RELT: variants seen among roughly 807,000 people sequenced by gnomAD.
The protein encoded by RELT is RELT TNF receptor.
Under a neutral mutation model 51.1 loss-of-function variants are expected in RELT, and 37 were observed. That is an observed-to-expected ratio of 0.72 (90% confidence interval 0.56 to 0.95). The LOEUF (loss-of-function observed/expected upper bound fraction) is 0.95, where lower values mean the gene tolerates loss of function less well. Among genes scored for constraint, RELT ranks in the 40% least tolerant of loss-of-function variants. The pLI is 0.00. For missense variants in RELT, 535 were observed against 572.6 expected (o/e 0.93, Z 0.67); for synonymous variants, 241 against 235.7 (o/e 1.02, Z -0.21).
intron 1 of RELT, among the ~76,000 whole-genome samples, chr11:73,380,632 G>A (rs1260350110): frequency 2.0e-5 from 3 of 152,182 alleles, no homozygotes; most frequent in Non-Finnish European, 4.4e-5. Context: ...GGTGAGGGTC[G>A]AGGGGTTTGT....
chr11:73,382,122 A>G (rs143258333), intron 1 of RELT, among the ~76,000 whole-genome samples: 1 of 152,216 alleles, frequency 6.6e-6, no homozygotes. Flanking sequence ...GGGTTGCTCC[A>G]GGGCCCAACC....
At position 73,388,114 on chromosome 11, in the gene RELT, C is replaced by T. The variant is rs1213822552; in HGVS notation, c.-25-998C>T. Among the ~76,000 whole-genome samples, 1 of 152,244 alleles carries T rather than the reference C, an allele frequency of 6.6e-6. No homozygotes were observed. Among genetic ancestry groups the T allele is most frequent in the Non-Finnish European group, 1.5e-5 (1 of 68,044 alleles). On this transcript the variant is annotated intron_variant, in intron 1 of 10. Coordinates refer to ENST00000064780, the MANE Select transcript of RELT (RefSeq NM_152222.2). This position sits in a 1 kb window ranked among gnomAD's most constrained non-coding sequence, Gnocchi z 4.1. The stretch of plus-strand genomic sequence containing the variant: ...CAGGCCACCGTCTGGGCCTGGGGGC[C>T]TCAGTCTCAGACCGGTGGGCCGTGA...
intron 1 of RELT, among the ~76,000 whole-genome samples, chr11:73,385,890 G>GGCAT (rs1489827418): frequency 6.6e-6 from 1 of 152,166 alleles, no homozygotes; most frequent in Non-Finnish European, 1.5e-5. Flanking sequence ...AATTTAGCCA[G>GGCAT]GCATGGTGGG....
At chr11:73,377,025 C>T (rs543377206) in intron 1 of RELT, among the ~76,000 whole-genome samples, 1 of 152,314 alleles carries the variant, frequency 6.6e-6, no homozygotes, top group South Asian at 2.1e-4. Context: ...GGCGGTGACG[C>T]CGGGCCGAGC....
intron 1 of RELT, among the ~76,000 whole-genome samples, chr11:73,386,167 C>T (rs1252875435): frequency 2.0e-5 from 3 of 152,196 alleles, no homozygotes; most frequent in Non-Finnish European, 4.4e-5. Context: ...GAGACTGGGC[C>T]CCAGGCTAGG....
At chr11:73,392,641 G>A (rs950109492) in intron 6 of RELT, 173 bp downstream of exon 6, 3 of 1,413,352 alleles carry the variant, frequency 2.1e-6, no homozygotes, top group East Asian at 5.0e-5. Flanking sequence ...GGACGAAGGT[G>A]TGGCCGTGGG....
chr11:73,394,462 C>G lies in RELT; in HGVS notation c.789-15C>G, dbSNP rs756973727. 1.2e-6 allele frequency: 2 copies of G among 1,609,694 alleles called. No homozygotes were observed. Among genetic ancestry groups the G allele is most frequent in the Non-Finnish European group, 1.7e-6 (2 of 1,177,598 alleles). ...TGGCCTGGCCTATGGCCACTTCTGC[C>G]TGTGCCCCCTGCAGGCTGCCGCCAG... On this transcript the variant is annotated splice_polypyrimidine_tract_variant and intron_variant, in intron 8 of 10. Transcript: ENST00000064780. This position sits in a 1 kb window ranked among gnomAD's most constrained non-coding sequence, Gnocchi z 4.9.
At position 73,394,521 on chromosome 11, in the gene RELT, G is replaced by A. The variant is rs368440610; in HGVS notation, c.833G>A (p.Arg278His). Residue 278 changes from arginine (R) to histidine (H), a missense_variant, in exon 9 of 11, where the codon CGC (arginine) becomes CAC (histidine). By Grantham distance (29) the Arg-to-His change is conservative. Transcript: ENST00000064780. The surrounding 1 kb of genome is among the most constrained non-coding windows in gnomAD (Gnocchi z 4.9). Reference sequence around the variant, plus strand: ...AACGTGCCACACATCTGCCCGCACCGCCACCATCTCCACACCGTGCAGGGC... The same window carrying A: ...AACGTGCCACACATCTGCCCGCACCACCACCATCTCCACACCGTGCAGGGC... ...PPNVPHICPH[R>H]HHLHTVQGLA... The A allele has an allele frequency of 6.3e-5, 102 of 1,610,766 alleles. No homozygotes were observed. The highest frequency in any genetic ancestry group is 3.5e-4 in the African/African-American group (26 of 74,994).
rs778597088 is a variant in RELT, at chr11:73,390,544, C to T, written c.46-7C>T. 4 of 1,613,704 alleles carry T rather than the reference C, an allele frequency of 2.5e-6. No individual in the cohort carries two copies. Among genetic ancestry groups the T allele is most frequent in the Non-Finnish European group, 3.4e-6 (4 of 1,179,754 alleles). On this transcript the variant is annotated splice_region_variant and splice_polypyrimidine_tract_variant and intron_variant, in intron 2 of 10. Coordinates refer to ENST00000064780, the MANE Select transcript of RELT (RefSeq NM_152222.2). ...TCTGCCTCTTTCAATGCCTACTGTT[C>T]TTCTAGCTGCTGCCCTGGCCTCTCG...
Position 73,396,932 on chromosome 11 carries a change from CT to C in RELT, c.*1443del, listed in dbSNP as rs1221322067. ...CAAAAAGTAAAAAGAAGCAGGTGAA[CT>C]TAATTTTTTTTTAACCCAGTCTATC... On this transcript the variant is annotated 3_prime_UTR_variant, in exon 11 of 11. Coordinates refer to ENST00000064780, the MANE Select transcript of RELT (RefSeq NM_152222.2). 6.6e-6 allele frequency: 1 copy of C among 152,186 alleles called. No homozygotes were observed. The highest frequency in any genetic ancestry group is 6.5e-5 in the Admixed American group (1 of 15,282). 9.4% of individuals were successfully genotyped at this position (152,186 alleles called of 1,614,324 possible).
intron 1 of RELT, among the ~76,000 whole-genome samples, chr11:73,379,643 T>C (rs1866021031): frequency 1.3e-5 from 2 of 152,216 alleles, no homozygotes; most frequent in Admixed American, 6.5e-5. Context: ...TGTCCACACT[T>C]TCCCTGGCGG....
At chr11:73,386,453 G>A (rs1184218246) in intron 1 of RELT, among the ~76,000 whole-genome samples, 1 of 152,202 alleles carries the variant, frequency 6.6e-6, no homozygotes, top group Non-Finnish European at 1.5e-5. Flanking sequence ...AGGGTGTGAG[G>A]GGTGCTGAGC....
intron 5 of RELT, 46 bp from the exon 6 acceptor site, chr11:73,392,165 T>TG (rs761684272): frequency 2.5e-6 from 4 of 1,594,662 alleles, no homozygotes; most frequent in Non-Finnish European, 2.6e-6. Flanking sequence ...TCTCTGTGTT[T>TG]GTGTCACTCT....
chr11:73,378,637 C>T (rs1373791321), intron 1 of RELT, among the ~76,000 whole-genome samples: 2 of 152,154 alleles, frequency 1.3e-5, no homozygotes, highest in African/African-American at 2.4e-5. Flanking sequence ...GGCTAGTAGG[C>T]GTGGCCTAGC....
chr11:73,393,624 G>A, intron 6 of RELT: 2 of 1,516,684 alleles, frequency 1.3e-6, no homozygotes, highest in Non-Finnish European at 1.8e-6. Flanking sequence ...GGGCTGTTGG[G>A]TGCAGGAAGC....
In RELT at chr11:73,395,586, G is replaced by A. The variant is rs549478807; in HGVS notation, c.*95G>A. The A allele has an allele frequency of 4.9e-5, 38 of 770,460 alleles. No homozygotes were observed. Among genetic ancestry groups the A allele is most frequent in the South Asian group, 2.8e-4 (21 of 73,800 alleles). The allele number at this position is 770,460 out of a possible 1,614,324, so 47.7% of individuals were successfully genotyped here. ...AGCTGCAGCTGGGACTGTGAGGACCGAGAAGCAATGGCCCAGCAGACGAGA... is the reference window on the plus strand; with the variant it reads ...AGCTGCAGCTGGGACTGTGAGGACCAAGAAGCAATGGCCCAGCAGACGAGA... On this transcript the variant is annotated 3_prime_UTR_variant, in exon 11 of 11. Transcript: ENST00000064780.
At position 73,394,630 on chromosome 11, in the gene RELT, C is replaced by T. The variant is rs149402638; in HGVS notation, c.942C>T (p.Ala314=). 235 of 1,613,720 alleles carry T rather than the reference C, an allele frequency of 1.5e-4. 1 individual carries two copies. In the African/African-American group the frequency reaches 2.7e-3, roughly 19 times the overall value. Residue 314 remains alanine, a synonymous_variant, in exon 9 of 11, where the codon GCC becomes GCT. Coordinates refer to ENST00000064780, the MANE Select transcript of RELT (RefSeq NM_152222.2). The surrounding 1 kb of genome is among the most constrained non-coding windows in gnomAD (Gnocchi z 4.9). ...PEVLLSPEAV[A]ATTPVPSLLP... is the part of the protein sequence containing the mutation. ...TGCTGCTGTCCCCTGAGGCTGTAGC[C>T]GCCACTACTCCTGTTCCCAGCCTTC...
chr11:73,379,573 T>TC (rs1255090356), intron 1 of RELT, among the ~76,000 whole-genome samples: 1 of 152,228 alleles, frequency 6.6e-6, no homozygotes, highest in African/African-American at 2.4e-5. Context: ...ACCCTAGGAC[T>TC]CCTAGAACCT....
chr11:73,395,639 A>G lies in RELT; in HGVS notation c.*148A>G. 1.4e-6 allele frequency: 1 copy of G among 689,910 alleles called. No homozygotes were observed. The highest frequency in any genetic ancestry group is 2.7e-6 in the Non-Finnish European group (1 of 375,036). The allele number at this position is 689,910 out of a possible 1,614,324, so 42.7% of individuals were successfully genotyped here. ...GCAAAGACCAAGGCCTGGAGGTGGG[A>G]GCGTCTGCCCCAGTGAGGAGGCAGG... On this transcript the variant is annotated 3_prime_UTR_variant, in exon 11 of 11. Coordinates refer to ENST00000064780, the MANE Select transcript of RELT (RefSeq NM_152222.2).
Sources: gnomAD v4.1 joint callset for allele counts (sites outside exome capture counted in the v4.1 genomes callset) on GRCh38, gnomAD v4.1.1 for gene constraint, Gnocchi (gnomAD v3.1) non-coding constraint, MANE v1.5 for transcripts, NCBI Gene and HGNC (gene_info 2026-07-23, HGNC 2026-07-21) for gene names.